MACROD2: variants seen among roughly 807,000 people sequenced by gnomAD.
The protein encoded by MACROD2 is mono-ADP ribosylhydrolase 2.
A neutral mutation model predicts 70.4 loss-of-function variants in MACROD2; 36 were observed. That is an observed-to-expected ratio of 0.51 (90% CI 0.39 to 0.68). The LOEUF (loss-of-function observed/expected upper bound fraction) is 0.68, where lower values mean the gene tolerates loss of function less well. Among genes scored for constraint, MACROD2 ranks in the 30% least tolerant of loss-of-function variants. The probability of loss-of-function intolerance (pLI) is 0.00; values close to 1 mark genes in which losing one functional copy is unlikely to be tolerated. For missense variants in MACROD2, 496 were observed against 538.4 expected (o/e 0.92, Z 0.78); for synonymous variants, 172 against 178.8 (o/e 0.96, Z 0.30).
chr20:14,420,439 G>A (rs916741024), intron 3 of MACROD2, among the ~76,000 whole-genome samples: 3 of 151,932 alleles, frequency 2.0e-5, no homozygotes. Flanking sequence ...ATATCTAATT[G>A]AAATTTTTAT....
At chr20:14,242,962 C>G (rs1169584820) in intron 3 of MACROD2, among the ~76,000 whole-genome samples, 1 of 152,160 alleles carries the variant, frequency 6.6e-6, no homozygotes, top group Admixed American at 6.5e-5. Flanking sequence ...CTTGTTTTCA[C>G]TAATTACTTT....
intron 4 of MACROD2, among the ~76,000 whole-genome samples, chr20:14,560,811 AG>A (rs1295639820): frequency 6.6e-6 from 1 of 151,874 alleles, no homozygotes; most frequent in Non-Finnish European, 1.5e-5. Flanking sequence ...TTTATTTCCA[AG>A]GTTTATATAA....
chr20:14,065,687 GA>G (rs2053747060), intron 2 of MACROD2, among the ~76,000 whole-genome samples: 1 of 152,160 alleles, frequency 6.6e-6, no homozygotes, highest in Non-Finnish European at 1.5e-5. Context: ...CATAAGTGGG[GA>G]AACTGAGGCC....
At chr20:15,409,556 G>A (rs1179370726) in intron 6 of MACROD2, among the ~76,000 whole-genome samples, 1 of 152,218 alleles carries the variant, frequency 6.6e-6, no homozygotes, top group Non-Finnish European at 1.5e-5. Context: ...TTTGAGGTGA[G>A]GTTTCCCCAG....
At chr20:15,968,407 T>C (rs952509720) in intron 13 of MACROD2, among the ~76,000 whole-genome samples, 3 of 152,022 alleles carry the variant, frequency 2.0e-5, no homozygotes, top group Admixed American at 1.3e-4. Flanking sequence ...TAAGAAAACA[T>C]GCCACCCAGG....
intron 5 of MACROD2, among the ~76,000 whole-genome samples, chr20:14,745,503 T>C (rs546153039): frequency 5.3e-5 from 8 of 152,330 alleles, no homozygotes; most frequent in Admixed American, 3.9e-4. Flanking sequence ...CAGAGATGGA[T>C]ATCATAGTGG....
chr20:14,642,658 T>G (rs1321065262), intron 4 of MACROD2, among the ~76,000 whole-genome samples: 1 of 152,150 alleles, frequency 6.6e-6, no homozygotes, highest in Non-Finnish European at 1.5e-5. Context: ...GGAAGAGAGA[T>G]GGGCAATTGC....
At chr20:14,056,829 CT>C (rs11355926) in intron 2 of MACROD2, among the ~76,000 whole-genome samples, 57,664 of 146,454 alleles carry the variant, frequency 0.39, 11,312 homozygotes, top group South Asian at 0.49. Context: ...ATTCAGATCT[CT>C]TTTTTTTTTT....
chr20:15,552,077 G>T (rs527747173), intron 8 of MACROD2: 5 of 152,156 alleles, frequency 3.3e-5, no homozygotes, highest in African/African-American at 1.2e-4. Flanking sequence ...ATTAGAGCTA[G>T]GGAAGTTAGG....
At chr20:15,305,620 C>T (rs946021458) in intron 6 of MACROD2, among the ~76,000 whole-genome samples, 3 of 151,758 alleles carry the variant, frequency 2.0e-5, no homozygotes, top group African/African-American at 7.3e-5. Flanking sequence ...CCATTAGGAG[C>T]CAGTCAGAGC....
chr20:14,293,983 G>A (rs78844718), intron 3 of MACROD2, among the ~76,000 whole-genome samples: 1 of 151,778 alleles, frequency 6.6e-6, no homozygotes, highest in Non-Finnish European at 1.5e-5. Context: ...TTAAAGGGCA[G>A]TGAATCATTT....
intron 5 of MACROD2, among the ~76,000 whole-genome samples, chr20:15,107,066 A>G (rs1256701598): frequency 1.5e-5 from 2 of 134,872 alleles, no homozygotes; most frequent in Non-Finnish European, 3.1e-5. Context: ...GTAATTCATA[A>G]CATTTAAGGC....
intron 1 of MACROD2, among the ~76,000 whole-genome samples, chr20:13,997,534 G>A (rs2052679997): frequency 6.6e-6 from 1 of 152,178 alleles, no homozygotes; most frequent in African/African-American, 2.4e-5. Flanking sequence ...GAAAAACAGT[G>A]TTCCTCAAGT....
In MACROD2 at chr20:15,234,192, C is replaced by T. The variant is rs865924414; in HGVS notation, c.540+4131C>T. 5.5e-3 allele frequency among the ~76,000 whole-genome samples: 788 copies of T among 143,088 alleles called. 7 individuals are homozygous for T. The highest frequency in any genetic ancestry group is 0.019 in the African/African-American group (739 of 39,010). 93.9% of individuals were successfully genotyped at this position (143,088 alleles called of 152,430 possible). A position where few individuals can be genotyped will look rare whatever the true frequency, so the allele number is the denominator to read the frequency against. Reference sequence around the variant, plus strand: ...GACTACAGGCGCCCGCTACCACGCCCGGCTAATTTTTTTGTATTTTTAGTA... The same window carrying T: ...GACTACAGGCGCCCGCTACCACGCCTGGCTAATTTTTTTGTATTTTTAGTA... On this transcript the variant is annotated intron_variant, in intron 6 of 17. Coordinates refer to ENST00000684519, the MANE Select transcript of MACROD2 (RefSeq NM_001351661.2).
chr20:15,559,226 C>CAAA (rs148608040), intron 8 of MACROD2, among the ~76,000 whole-genome samples: 11 of 43,216 alleles, frequency 2.5e-4, no homozygotes, highest in Non-Finnish European at 4.8e-4. Flanking sequence ...AACTCCGTCT[C>CAAA]AAAAAAAAAA....
intron 3 of MACROD2, among the ~76,000 whole-genome samples, chr20:14,206,584 GT>G (rs1385818539): frequency 1.3e-5 from 2 of 149,524 alleles, no homozygotes; most frequent in Non-Finnish European, 3.0e-5. Context: ...CTAACATGTT[GT>G]TTGATATGTT....
chr20:15,892,824 G>C, intron 10 of MACROD2: 1 of 395,118 alleles, frequency 2.5e-6, no homozygotes, highest in Non-Finnish European at 4.5e-6. Context: ...AAGATTCAGC[G>C]TGTGTGTAGG....
intron 8 of MACROD2, among the ~76,000 whole-genome samples, chr20:15,620,785 G>T (rs1181019132): frequency 3.9e-5 from 6 of 151,938 alleles, no homozygotes; most frequent in South Asian, 4.2e-4. Context: ...TTTTTTGTTT[G>T]TTTGTTTGTT....
intron 3 of MACROD2, among the ~76,000 whole-genome samples, chr20:14,339,095 C>T (rs1480944905): frequency 6.6e-6 from 1 of 152,160 alleles, no homozygotes; most frequent in Non-Finnish European, 1.5e-5. Context: ...TGATTGTGGT[C>T]TCTTCATTAG....
Sources: allele counts gnomAD v4.1 joint callset (sites outside exome capture counted in the v4.1 genomes callset), GRCh38; gene constraint gnomAD v4.1.1; transcripts MANE v1.5; gene names NCBI Gene and HGNC (gene_info 2026-07-23, HGNC 2026-07-21).